Variants in DRD2 observed in about 807,000 individuals in gnomAD.
The protein encoded by DRD2 is D(2) dopamine receptor.
In DRD2, 8 loss-of-function variants were observed where a neutral mutation model predicts 38.0. The ratio of observed to expected loss-of-function variants is 0.21; its 90% CI spans 0.12 to 0.38. DRD2 has a LOEUF of 0.38. Ranked by LOEUF, DRD2 falls within the 10% of genes least tolerant of loss-of-function variation. The pLI is 1.00. For synonymous variants in DRD2, 230 were observed against 238.6 expected (o/e 0.96, Z 0.33); for missense variants, 403 against 607.7 (o/e 0.66, Z 3.54).
chr11:113,412,405 T>G, intron 7 of DRD2, 151 bp downstream of exon 7: 1 of 965,460 alleles, frequency 1.0e-6, no homozygotes, highest in Non-Finnish European at 1.6e-6. Context: ...TTACAGAATC[T>G]ACCTAATAGG....
At chr11:113,448,683 C>G (rs759981708) in intron 1 of DRD2, among the ~76,000 whole-genome samples, 2 of 152,212 alleles carry the variant, frequency 1.3e-5, no homozygotes, top group Non-Finnish European at 2.9e-5. Flanking sequence ...GTCTCTTCCT[C>G]AAGCTCATTG....
intron 1 of DRD2, among the ~76,000 whole-genome samples, chr11:113,452,581 C>CCTGACCA (rs902389469): frequency 8.6e-5 from 13 of 152,026 alleles, no homozygotes; most frequent in South Asian, 4.2e-4. Context: ...GGAATTCTTC[C>CCTGACCA]CTGACCACTG....
At chr11:113,422,491 G>A (rs193186006) in intron 2 of DRD2, among the ~76,000 whole-genome samples, 1 of 152,342 alleles carries the variant, frequency 6.6e-6, no homozygotes, top group East Asian at 1.9e-4. Context: ...GAAGAGGGAA[G>A]AAGGAGGGGA....
intron 1 of DRD2, among the ~76,000 whole-genome samples, chr11:113,438,342 C>T (rs1951057808): frequency 6.6e-6 from 1 of 152,032 alleles, no homozygotes; most frequent in Admixed American, 6.5e-5. Context: ...GGAGTGGTTG[C>T]AAAATTGACT....
At chr11:113,421,106 C>A (rs972986729) in intron 2 of DRD2, among the ~76,000 whole-genome samples, 9 of 152,210 alleles carry the variant, frequency 5.9e-5, no homozygotes, top group Admixed American at 5.9e-4. Flanking sequence ...CTCCTCCATA[C>A]CTCCAGCCAG....
At chr11:113,418,686 A>G (rs1204016485) in intron 2 of DRD2, among the ~76,000 whole-genome samples, 1 of 152,092 alleles carries the variant, frequency 6.6e-6, no homozygotes, top group African/African-American at 2.4e-5. Flanking sequence ...CACCAAGACA[A>G]TATTTCCCCT....
Position 113,440,777 on chromosome 11 carries a change from T to C in DRD2, c.-31-16095A>G, listed in dbSNP as rs534454352. On this transcript the variant is annotated intron_variant, in intron 1 of 7. Transcript: ENST00000362072. ...GGAGAGAAATGGAGAGGGCACCCCA[T>C]TGGGAACACCCCAGACTAGAGCCAC... is the stretch of plus-strand genomic sequence containing the variant. Among the ~76,000 whole-genome samples the C allele has an allele frequency of 8.5e-5, 13 of 152,330 alleles. No homozygotes were observed. The East Asian group carries it at 1.9e-3, about 23-fold the overall frequency.
At chr11:113,469,715 C>T (rs1951404058) in intron 1 of DRD2, among the ~76,000 whole-genome samples, 5 of 152,160 alleles carry the variant, frequency 3.3e-5, no homozygotes, top group Admixed American at 3.3e-4. Flanking sequence ...TGGCATGCAC[C>T]TGTACTCCCA....
In DRD2 at chr11:113,424,658, G is replaced by A. The variant is rs779028728; in HGVS notation, c.-7C>T. ...ACAGATTCAGTGGATCCATCAGGGC[G>A]GTGGAGCCACTGGGTGGCCAGGCTC... On this transcript the variant is annotated 5_prime_UTR_variant, in exon 2 of 8. Coordinates refer to ENST00000362072, the MANE Select transcript of DRD2 (RefSeq NM_000795.4). The A allele has an allele frequency of 2.5e-5, 41 of 1,613,954 alleles. 2 individuals carry two copies. The highest frequency in any genetic ancestry group is 1.4e-4 in the South Asian group (13 of 91,070).
chr11:113,472,623 A>G (rs879820440), intron 1 of DRD2, among the ~76,000 whole-genome samples: 3 of 152,174 alleles, frequency 2.0e-5, no homozygotes, highest in Non-Finnish European at 4.4e-5. Flanking sequence ...AACCAAATCA[A>G]TACAGTCAAT....
intron 1 of DRD2, among the ~76,000 whole-genome samples, chr11:113,430,438 T>A (rs948248541): frequency 6.6e-6 from 1 of 152,226 alleles, no homozygotes; most frequent in Admixed American, 6.5e-5. Flanking sequence ...GTAAAATGCA[T>A]TCTGATTTCA....
chr11:113,467,895 A>G (rs553911437), intron 1 of DRD2, among the ~76,000 whole-genome samples: 29 of 152,244 alleles, frequency 1.9e-4, no homozygotes, highest in Non-Finnish European at 4.0e-4. Flanking sequence ...ATTTTGGTGC[A>G]GATAAGTGGA....
intron 1 of DRD2, among the ~76,000 whole-genome samples, chr11:113,427,860 G>A (rs1328000942): frequency 6.6e-6 from 1 of 152,134 alleles, no homozygotes; most frequent in African/African-American, 2.4e-5. Context: ...TTAAAGAGTT[G>A]ATTATGTTAA....
intron 7 of DRD2, 51 bp from the exon 8 acceptor site, chr11:113,410,971 C>T: frequency 6.4e-7 from 1 of 1,570,684 alleles, no homozygotes. Context: ...GGAGGCACGG[C>T]TGGGAACACC....
At chr11:113,428,236 T>C (rs1950957061) in intron 1 of DRD2, among the ~76,000 whole-genome samples, 1 of 152,078 alleles carries the variant, frequency 6.6e-6, no homozygotes, top group Admixed American at 6.5e-5. Context: ...AGGATCAAGA[T>C]GTGCAAAGAA....
rs202088196 is a variant in DRD2, at chr11:113,412,702, G to A, written c.992C>T (p.Ala331Val). The part of the protein sequence containing the change: ...SPAKPEKNGH[A>V]KDHPKIAKIF... ...CTTGGCAATCTTGGGGTGGTCTTTG[G>A]CATGCCCATTCTTCTCTGGTTTGGC... The change falls in exon 7 of 8, where the codon GCC becomes GTC. Residue 331 changes from alanine to valine, a missense_variant. Ala to Val is a moderately conservative substitution (Grantham distance 64). Transcript: ENST00000362072. The A allele has an allele frequency of 1.9e-6, 3 of 1,614,240 alleles. No individual in the cohort carries two copies. Among genetic ancestry groups the A allele is most frequent in the Non-Finnish European group, 2.5e-6 (3 of 1,180,046 alleles).
chr11:113,448,452 TC>T (rs1258690934), intron 1 of DRD2, among the ~76,000 whole-genome samples: 8 of 152,182 alleles, frequency 5.3e-5, no homozygotes, highest in African/African-American at 1.7e-4. Flanking sequence ...TCAGAGCTGC[TC>T]CCCACTCTAA....
At chr11:113,445,578 C>T (rs902854234) in intron 1 of DRD2, among the ~76,000 whole-genome samples, 1 of 152,226 alleles carries the variant, frequency 6.6e-6, no homozygotes, top group Non-Finnish European at 1.5e-5. Context: ...GGAGGGTCCT[C>T]TTCTCCTTCA....
chr11:113,430,623 G>T (rs140807203), intron 1 of DRD2, among the ~76,000 whole-genome samples: 1 of 152,126 alleles, frequency 6.6e-6, no homozygotes, highest in African/African-American at 2.4e-5. Flanking sequence ...TTCTGTCTCC[G>T]GGCTGCACAG....
Sources: gnomAD v4.1 joint callset for allele counts (sites outside exome capture counted in the v4.1 genomes callset) on GRCh38, gnomAD v4.1.1 for gene constraint, MANE v1.5 for transcripts, NCBI Gene and HGNC (gene_info 2026-07-23, HGNC 2026-07-21) for gene names.